NSRP1: variants seen among roughly 807,000 people sequenced by gnomAD.
NSRP1 encodes coiled-coil domain containing 55.
In NSRP1, 24 loss-of-function variants were observed where a neutral mutation model predicts 54.7. That is an observed-to-expected ratio of 0.44 (90% CI 0.32 to 0.62). NSRP1 has a LOEUF of 0.62. Among genes scored for constraint, NSRP1 ranks in the 20% least tolerant of loss-of-function variants. NSRP1 has a pLI of 0.06. For synonymous variants in NSRP1, 210 were observed against 213.8 expected, an observed-to-expected ratio of 0.98 and a Z score of 0.15; for missense variants, 596 against 651.2, an observed-to-expected ratio of 0.92 and a Z score of 0.92.
At chr17:30,140,556 T>G (rs2071795394) in intron 2 of NSRP1, among the ~76,000 whole-genome samples, 1 of 131,396 alleles carries the variant, frequency 7.6e-6, no homozygotes, top group African/African-American at 3.0e-5. Context: ...TGAGATGGAG[T>G]CTTGCTGTGT....
chr17:30,171,937 C>CACACAG (rs1398974764), intron 2 of NSRP1, among the ~76,000 whole-genome samples: 1 of 40,468 alleles, frequency 2.5e-5, no homozygotes, highest in Non-Finnish European at 5.8e-5. Flanking sequence ...CCATTTCTCA[C>CACACAG]ACACACACAC....
chr17:30,152,325 C>T (rs572048184), intron 2 of NSRP1, among the ~76,000 whole-genome samples: 198 of 151,034 alleles, frequency 1.3e-3, no homozygotes, highest in African/African-American at 4.6e-3. Flanking sequence ...TCATTCTGTT[C>T]GCCAGGCTGG....
At chr17:30,142,240 C>A (rs770128088) in intron 2 of NSRP1, among the ~76,000 whole-genome samples, 8 of 152,078 alleles carry the variant, frequency 5.3e-5, no homozygotes, top group Non-Finnish European at 8.8e-5. Context: ...TTTTAAATAT[C>A]TCTTTTGAAA....
intron 2 of NSRP1, chr17:30,144,171 T>A (rs986847709): frequency 1.3e-5 from 2 of 151,960 alleles, no homozygotes; most frequent in Non-Finnish European, 2.9e-5. Flanking sequence ...CCGTTTATGC[T>A]TCTCCCACCT....
chr17:30,151,207 GT>G (rs2071906302), intron 2 of NSRP1, among the ~76,000 whole-genome samples: 1 of 151,922 alleles, frequency 6.6e-6, no homozygotes, highest in South Asian at 2.1e-4. Context: ...TTTTTAGTTT[GT>G]CTTTTTATTG....
At chr17:30,147,545 G>A (rs1174980569) in intron 2 of NSRP1, among the ~76,000 whole-genome samples, 2 of 151,014 alleles carry the variant, frequency 1.3e-5, no homozygotes, top group East Asian at 2.0e-4. Flanking sequence ...CTCACTGCAA[G>A]CCCCGCCTCC....
chr17:30,158,366 G>C (rs1904389511), intron 2 of NSRP1, among the ~76,000 whole-genome samples: 2 of 141,444 alleles, frequency 1.4e-5, no homozygotes, highest in African/African-American at 2.5e-5. Context: ...CTGGATATTA[G>C]TCACTTGTCA....
chr17:30,117,914 C>T, intron 1 of NSRP1, 166 bp from the exon 2 acceptor site: 3 of 557,536 alleles, frequency 5.4e-6, no homozygotes, highest in Non-Finnish European at 9.6e-6. Flanking sequence ...AATCTTACGG[C>T]ATGTTAGAAT....
intron 2 of NSRP1, among the ~76,000 whole-genome samples, chr17:30,118,380 T>C (rs2071563074): frequency 6.6e-6 from 1 of 152,252 alleles, no homozygotes; most frequent in Non-Finnish European, 1.5e-5. Flanking sequence ...ACTTTACCTT[T>C]AAACAAATAC....
At chr17:30,142,764 T>A (rs55748380) in intron 2 of NSRP1, among the ~76,000 whole-genome samples, 1 of 152,080 alleles carries the variant, frequency 6.6e-6, no homozygotes, top group Admixed American at 6.5e-5. Flanking sequence ...CTGTGTTGTC[T>A]CCATCCGACT....
chr17:30,157,861 A>G (rs1423418225), intron 2 of NSRP1, among the ~76,000 whole-genome samples: 1 of 152,164 alleles, frequency 6.6e-6, no homozygotes, highest in Non-Finnish European at 1.5e-5. Flanking sequence ...GCCAAATAGT[A>G]TTCTATTGTT....
Position 30,179,292 on chromosome 17 carries a change from T to G in NSRP1, c.503T>G (p.Leu168Arg). The G allele has an allele frequency of 6.4e-7, 1 of 1,560,406 alleles. No homozygotes were observed. The highest frequency in any genetic ancestry group is 2.3e-5 in the East Asian group (1 of 44,384). The change falls in exon 5 of 7, where the codon CTG (leucine) becomes CGG (arginine). Residue 168 changes from leucine (L) to arginine (R), a missense_variant. Transcript: ENST00000247026. ...EEEREKRAAA[L>R]EACLDVTKQK... ...GAAAGAGAAAAGAGGGCTGCTGCAC[T>G]GGAAGGTAAAATGAAAGAGTGGGAA...
At chr17:30,116,921 C>T in intron 1 of NSRP1, 58 bp downstream of exon 1, 1 of 1,550,700 alleles carries the variant, frequency 6.4e-7, no homozygotes, top group South Asian at 1.2e-5. Flanking sequence ...GCGACTGTAT[C>T]TTTGGCCGAG....
chr17:30,150,708 T>C (rs1211835324), intron 2 of NSRP1: 5 of 137,130 alleles, frequency 3.6e-5, no homozygotes, highest in Non-Finnish European at 4.7e-5. Context: ...TTTTTTTTTT[T>C]TTGGAATCTC....
intron 2 of NSRP1, among the ~76,000 whole-genome samples, chr17:30,157,496 A>G (rs995436944): frequency 8.5e-5 from 13 of 152,170 alleles, no homozygotes; most frequent in African/African-American, 2.7e-4. Context: ...AAATGTACAT[A>G]TTATTATTGC....
In NSRP1 at chr17:30,116,863, A is replaced by G. The variant is rs1437731827; in HGVS notation, c.20A>G (p.Gln7Arg). Residue 7 changes from glutamine (Q) to arginine (R), a missense_variant and splice_region_variant, in exon 1 of 7, where the codon CAG becomes CGG. Coordinates refer to ENST00000247026, the MANE Select transcript of NSRP1 (RefSeq NM_032141.4). MAIPGR[Q>R]YGLILPKKTQ... ...AGCAAGATGGCGATTCCGGGCAGGC[A>G]GTGAGTGATCCGGGAGTTAGGGTCA... 2.5e-6 allele frequency: 4 copies of G among 1,574,924 alleles called. No homozygotes were observed. Among genetic ancestry groups the G allele is most frequent in the East Asian group, 2.3e-5 (1 of 43,016 alleles).
intron 2 of NSRP1, among the ~76,000 whole-genome samples, chr17:30,154,981 T>C (rs1471983943): frequency 6.6e-6 from 1 of 152,208 alleles, no homozygotes; most frequent in Non-Finnish European, 1.5e-5. Context: ...TTTTATGTGC[T>C]TAAAACATCT....
intron 2 of NSRP1, among the ~76,000 whole-genome samples, chr17:30,125,598 A>T (rs1051378168): frequency 6.6e-6 from 1 of 152,176 alleles, no homozygotes; most frequent in African/African-American, 2.4e-5. Context: ...TCCAGGCTGG[A>T]GTGCAGTGGC....
intron 2 of NSRP1, among the ~76,000 whole-genome samples, chr17:30,119,396 A>T (rs191079283): frequency 6.6e-6 from 1 of 151,872 alleles, no homozygotes; most frequent in East Asian, 1.9e-4. Flanking sequence ...TATTTTTAGG[A>T]GAGACGGGGT....
Sources: allele counts gnomAD v4.1 joint callset (sites outside exome capture counted in the v4.1 genomes callset), GRCh38; gene constraint gnomAD v4.1.1; transcripts MANE v1.5; gene names NCBI Gene and HGNC (gene_info 2026-07-23, HGNC 2026-07-21).